ITGB5: variants seen among roughly 807,000 people sequenced by gnomAD.
ITGB5 encodes the protein integrin subunit beta 5.
ITGB5 carries 38 observed loss-of-function variants against 84.8 expected under a neutral mutation model. That is an observed-to-expected ratio of 0.45 (90% CI 0.35 to 0.59). The LOEUF (loss-of-function observed/expected upper bound fraction) is 0.59, where lower values mean the gene tolerates loss of function less well. ITGB5 is among the 20% of genes least tolerant of loss of function. The pLI is 0.01. For missense variants in ITGB5, 905 were observed against 1,034.5 expected, an observed-to-expected ratio of 0.87 and a Z score of 1.72; for synonymous variants, 393 against 414.4, an observed-to-expected ratio of 0.95 and a Z score of 0.63.
intron 5 of ITGB5, among the ~76,000 whole-genome samples, chr3:124,840,496 A>G (rs1397924920): frequency 2.0e-5 from 3 of 151,896 alleles, no homozygotes; most frequent in African/African-American, 7.3e-5. Context: ...AGACTATGTT[A>G]TCACCAACAT....
At chr3:124,855,232 G>T (rs945807065) in intron 3 of ITGB5, among the ~76,000 whole-genome samples, 8 of 152,148 alleles carry the variant, frequency 5.3e-5, no homozygotes, top group African/African-American at 1.9e-4. Context: ...AGAATCGCTT[G>T]AACCTGGAGG....
chr3:124,766,451 G>A, intron 12 of ITGB5, 106 bp from the exon 13 acceptor site: 1 of 1,371,074 alleles, frequency 7.3e-7, no homozygotes, highest in East Asian at 2.3e-5. Flanking sequence ...AGGGCATGGG[G>A]GGTGTGGGCA....
intron 5 of ITGB5, among the ~76,000 whole-genome samples, chr3:124,822,482 CCT>C (rs1001929146): frequency 1.3e-5 from 2 of 152,194 alleles, no homozygotes; most frequent in Non-Finnish European, 2.9e-5. Context: ...AGGGTATCAT[CCT>C]CTCTTACTTA....
intron 4 of ITGB5, among the ~76,000 whole-genome samples, chr3:124,847,014 T>C (rs1249007072): frequency 3.3e-5 from 5 of 152,202 alleles, no homozygotes; most frequent in Non-Finnish European, 5.9e-5. Flanking sequence ...GTTTGTATAA[T>C]ATTGGGTAAG....
chr3:124,803,696 G>A (rs2064351142), intron 9 of ITGB5, among the ~76,000 whole-genome samples: 1 of 152,206 alleles, frequency 6.6e-6, no homozygotes, highest in Non-Finnish European at 1.5e-5. Context: ...CTCCCCACAT[G>A]GTGCAGGGGG....
intron 4 of ITGB5, among the ~76,000 whole-genome samples, chr3:124,847,605 A>G (rs920805922): frequency 9.9e-5 from 15 of 152,230 alleles, no homozygotes; most frequent in African/African-American, 3.4e-4. Flanking sequence ...CATGTGTGGA[A>G]GATGGTAAAG....
chr3:124,796,776 G>A lies in ITGB5; in HGVS notation c.1305C>T (p.Ser435=). 6.2e-7 allele frequency: 1 copy of A among 1,612,582 alleles called. No individual in the cohort carries two copies. Among genetic ancestry groups the A allele is most frequent in the Non-Finnish European group, 8.5e-7 (1 of 1,179,012 alleles). ...GGGCAAACACATGCTCCGTGTGTCT[G>A]CTGGGACAGCTTCGGGCCTCCAATG... The part of the protein sequence containing the change: ...EVSLEARSCP[S]RHTEHVFALR... Residue 435 remains serine, a synonymous_variant, in exon 10 of 15, where the codon AGC becomes AGT. Transcript: ENST00000296181.
chr3:124,875,294 A>G (rs887792171), intron 1 of ITGB5, among the ~76,000 whole-genome samples: 1 of 152,114 alleles, frequency 6.6e-6, no homozygotes, highest in Non-Finnish European at 1.5e-5. Flanking sequence ...CCTGGGCAAC[A>G]TGGTGAAACC....
intron 4 of ITGB5, among the ~76,000 whole-genome samples, chr3:124,846,860 G>A (rs557638704): frequency 3.9e-5 from 6 of 152,248 alleles, no homozygotes; most frequent in South Asian, 2.1e-4. Flanking sequence ...GCTTGAACCC[G>A]GGAGGCGGAG....
chr3:124,893,666 C>T (rs1053703427), intron 1 of ITGB5, among the ~76,000 whole-genome samples: 4 of 151,994 alleles, frequency 2.6e-5, no homozygotes, highest in Non-Finnish European at 1.5e-5. Context: ...CACTGGGTTC[C>T]CTGTTAGTGA....
intron 4 of ITGB5, among the ~76,000 whole-genome samples, chr3:124,845,573 G>A (rs1035702674): frequency 2.6e-5 from 4 of 152,224 alleles, no homozygotes; most frequent in Non-Finnish European, 5.9e-5. Flanking sequence ...TCACTGTCAG[G>A]AGTTTTACTG....
chr3:124,765,508 C>A (rs114768559), intron 13 of ITGB5, among the ~76,000 whole-genome samples: 5,496 of 152,314 alleles, frequency 0.036, 257 homozygotes, highest in African/African-American at 0.1. Context: ...TGCCCTGCAC[C>A]CTCCCTGCAG....
At chr3:124,813,635 T>A (rs1346837594) in intron 8 of ITGB5, among the ~76,000 whole-genome samples, 1 of 152,210 alleles carries the variant, frequency 6.6e-6, no homozygotes, top group Non-Finnish European at 1.5e-5. Flanking sequence ...AGGCTGCAGA[T>A]GAACAGCTAG....
chr3:124,841,310 G>T, intron 5 of ITGB5, 73 bp downstream of exon 5: 1 of 1,446,972 alleles, frequency 6.9e-7, no homozygotes, highest in Non-Finnish European at 9.5e-7. Context: ...ACTCCTGCAG[G>T]AAGTACCAAC....
intron 5 of ITGB5, among the ~76,000 whole-genome samples, chr3:124,825,373 AT>A (rs2064771082): frequency 6.6e-6 from 1 of 152,234 alleles, no homozygotes; most frequent in East Asian, 1.9e-4. Context: ...ATTAAACTTT[AT>A]GCTCAAATAA....
chr3:124,769,153 T>C, intron 11 of ITGB5, 40 bp from the exon 12 acceptor site: 1 of 1,538,504 alleles, frequency 6.5e-7, no homozygotes, highest in Non-Finnish European at 9.0e-7. Context: ...TCAGATAATG[T>C]AGAACAGTCC....
intron 11 of ITGB5, 78 bp downstream of exon 11, chr3:124,773,612 G>A (rs898378040): frequency 2.4e-5 from 33 of 1,368,322 alleles, no homozygotes; most frequent in Admixed American, 3.5e-5. Flanking sequence ...GAGGCTAGCC[G>A]GCCCTGAGGG....
At chr3:124,776,546 G>A (rs1211421970) in intron 10 of ITGB5, among the ~76,000 whole-genome samples, 1 of 152,080 alleles carries the variant, frequency 6.6e-6, no homozygotes, top group African/African-American at 2.4e-5. Flanking sequence ...CTGCTTGACT[G>A]CTTATCTATC....
intron 9 of ITGB5, 112 bp from the exon 10 acceptor site, chr3:124,796,929 G>T: frequency 9.8e-7 from 1 of 1,019,836 alleles, no homozygotes; most frequent in Non-Finnish European, 1.4e-6. Context: ...CCCTCTCCAC[G>T]CACTCAGGTA....
Sources: allele counts gnomAD v4.1 joint callset (sites outside exome capture counted in the v4.1 genomes callset), GRCh38; gene constraint gnomAD v4.1.1; transcripts MANE v1.5; gene names NCBI Gene and HGNC (gene_info 2026-07-23, HGNC 2026-07-21).